The following HERC2 variants were observed in gnomAD, a reference collection of about 807,000 sequenced individuals.
The protein encoded by HERC2 is E3 ubiquitin-protein ligase HERC2.
HERC2 carries 102 observed loss-of-function variants against 537.7 expected under a neutral mutation model. The ratio of observed to expected loss-of-function variants is 0.19; its 90% CI spans 0.16 to 0.22. HERC2 has a LOEUF of 0.22. HERC2 is among the 10% of genes least tolerant of loss of function. The probability of loss-of-function intolerance (pLI) is 1.00; values close to 1 mark genes in which losing one functional copy is unlikely to be tolerated. For synonymous variants in HERC2, 2,224 were observed against 2,466.2 expected (o/e 0.90, Z 2.91); for missense variants, 4,236 against 6,198.2 (o/e 0.68, Z 10.63).
intron 4 of HERC2, among the ~76,000 whole-genome samples, chr15:28,285,033 A>G (rs1301089052): frequency 6.6e-6 from 1 of 151,950 alleles, no homozygotes; most frequent in African/African-American, 2.4e-5. Context: ...CAAAACGTGC[A>G]TACACCAAAC....
intron 20 of HERC2, among the ~76,000 whole-genome samples, chr15:28,253,260 G>A (rs536810818): frequency 1.3e-5 from 2 of 152,234 alleles, no homozygotes; most frequent in Admixed American, 1.3e-4. Context: ...CTCCTAGTCT[G>A]GCCTTCCAAA....
chr15:28,144,907 G>C, intron 71 of HERC2, 103 bp from the exon 72 acceptor site: 1 of 1,477,606 alleles, frequency 6.8e-7, no homozygotes, highest in Non-Finnish European at 9.2e-7. Flanking sequence ...CGTGTGAAGA[G>C]CAAGTTCCTC....
chr15:28,133,815 G>C (rs1161155577), intron 79 of HERC2, among the ~76,000 whole-genome samples: 1 of 152,136 alleles, frequency 6.6e-6, no homozygotes, highest in Non-Finnish European at 1.5e-5. Context: ...GCCGGTTTCT[G>C]GATTCCCTAT....
At chr15:28,192,240 T>C in intron 52 of HERC2, 89 bp from the exon 53 acceptor site, 3 of 1,154,950 alleles carry the variant, frequency 2.6e-6, no homozygotes. Flanking sequence ...AAGGAGCTTC[T>C]TAAAGAAAAA....
intron 68 of HERC2, among the ~76,000 whole-genome samples, chr15:28,166,004 G>A (rs984629015): frequency 2.6e-5 from 4 of 152,124 alleles, no homozygotes; most frequent in African/African-American, 7.2e-5. Context: ...ATCTTATTGA[G>A]CCTGGAATTT....
chr15:28,253,887 A>G (rs542490769), intron 20 of HERC2, among the ~76,000 whole-genome samples: 50 of 152,232 alleles, frequency 3.3e-4, no homozygotes, highest in African/African-American at 1.2e-3. Flanking sequence ...GCTAGAACCC[A>G]GGAGGCAGAG....
intron 66 of HERC2, among the ~76,000 whole-genome samples, chr15:28,169,243 C>G (rs1268283779): frequency 1.3e-5 from 2 of 152,166 alleles, no homozygotes; most frequent in Non-Finnish European, 2.9e-5. Flanking sequence ...TTCGAGTCTA[C>G]TGGTCAAAAA....
In HERC2 at chr15:28,125,017, G is replaced by A. The variant is rs1037918272; in HGVS notation, c.12979C>T (p.Leu4327Phe). 2.5e-6 allele frequency: 4 copies of A among 1,601,204 alleles called. No individual in the cohort carries two copies. Among genetic ancestry groups the A allele is most frequent in the Admixed American group, 1.7e-5 (1 of 59,828 alleles). ...CTGCCCGGACTCACCTGTGCAGGGAGTTTGCCAGCACTGGCGGGCTTGCTG... is the reference window on the plus strand; with the variant it reads ...CTGCCCGGACTCACCTGTGCAGGGAATTTGCCAGCACTGGCGGGCTTGCTG... The part of the protein sequence containing the change: ...STSKPASAGK[L>F]PAQVPMEYNH... Residue 4327 changes from leucine to phenylalanine, a missense_variant, in exon 84 of 93, where the codon CTC becomes TTC. Leu to Phe is a conservative substitution (Grantham distance 22). Around this residue, in one of 27 missense-constraint regions of HERC2, gnomAD observed 189 missense variants for 255.7 expected, o/e 0.74. Coordinates refer to ENST00000261609, the MANE Select transcript of HERC2 (RefSeq NM_004667.6).
At chr15:28,258,706 A>C (rs1409134495) in intron 16 of HERC2, among the ~76,000 whole-genome samples, 1 of 152,172 alleles carries the variant, frequency 6.6e-6, no homozygotes, top group East Asian at 1.9e-4. Flanking sequence ...AGTGAACGCA[A>C]AACAAGCCAA....
rs151050244 is a variant in HERC2, at chr15:28,192,281, A to C, written c.8261-130T>G. 768 of 706,794 alleles carry C rather than the reference A, an allele frequency of 1.1e-3. 2 individuals carry two copies. The African/African-American group carries it at 0.012, about 11-fold the overall frequency. The allele number at this position is 706,794 out of a possible 1,614,324, so 43.8% of individuals were successfully genotyped here. ...AGTTTCAAACTGAAAGGAGTTAATA[A>C]ATGCCACAAATGGTTTCCCTAGTCA... On this transcript the variant is annotated intron_variant, in intron 52 of 92. Transcript: ENST00000261609.
chr15:28,205,024 G>A (rs1231172461), intron 45 of HERC2, among the ~76,000 whole-genome samples: 2 of 152,090 alleles, frequency 1.3e-5, no homozygotes, highest in Non-Finnish European at 2.9e-5. Flanking sequence ...AAGGAGGACG[G>A]TGGGGTGGGC....
intron 69 of HERC2, among the ~76,000 whole-genome samples, chr15:28,156,234 T>C (rs1472504453): frequency 6.6e-6 from 1 of 152,332 alleles, no homozygotes; most frequent in South Asian, 2.1e-4. Context: ...TAGGATTGAC[T>C]TGGCAATGCG....
At chr15:28,304,968 C>T (rs1207902442) in intron 2 of HERC2, among the ~76,000 whole-genome samples, 192 of 147,778 alleles carry the variant, frequency 1.3e-3, no homozygotes, top group African/African-American at 4.3e-3. Flanking sequence ...ATGCGGTGTT[C>T]GGTTTTTTAT....
At chr15:28,249,443 A>G (rs898828989) in intron 20 of HERC2, among the ~76,000 whole-genome samples, 2 of 152,204 alleles carry the variant, frequency 1.3e-5, no homozygotes, top group African/African-American at 4.8e-5. Flanking sequence ...GAGAAGAAAC[A>G]TATGTTCCCA....
chr15:28,254,622 CTG>C, intron 19 of HERC2, 104 bp from the exon 20 acceptor site: 1 of 699,494 alleles, frequency 1.4e-6, no homozygotes, highest in Non-Finnish European at 2.3e-6. Context: ...ATCCCAGCCT[CTG>C]TGGCTAATGC....
In HERC2 at chr15:28,113,649, G is replaced by A. The variant is rs767913534; in HGVS notation, c.13943C>T (p.Ala4648Val). Residue 4648 changes from alanine (A) to valine (V), a missense_variant, in exon 91 of 93, where the codon GCT becomes GTT. Physicochemically the swap from Ala to Val is moderately conservative, Grantham distance 64 (BLOSUM62 0). Transcript: ENST00000261609. This position sits in a 1 kb window ranked among gnomAD's most constrained non-coding sequence, Gnocchi z 7.0. ...AACGCGGGCCATTCCTTCCCGAACA[G>A]CAGCCACCTGCTCATCAAATTCATG... ...RLHEFDEQVA[A>V]VREGMARVVP... is the part of the protein sequence containing the mutation. 1.9e-6 allele frequency: 3 copies of A among 1,614,018 alleles called. No individual in the cohort carries two copies. The highest frequency in any genetic ancestry group is 3.3e-5 in the Admixed American group (2 of 60,006).
chr15:28,199,443 C>T (rs182696485), intron 48 of HERC2, among the ~76,000 whole-genome samples: 3 of 152,214 alleles, frequency 2.0e-5, no homozygotes, highest in Non-Finnish European at 2.9e-5. Context: ...CATCTTTATA[C>T]ATATCAGAAC....
rs1596134198 is a variant in HERC2 at position 28,176,918 on chromosome 15, T to C, written c.9432+32A>G. On this transcript the variant is annotated intron_variant, in intron 61 of 92. Transcript: ENST00000261609. The surrounding 1 kb of genome is among the most constrained non-coding windows in gnomAD (Gnocchi z 5.0). Reference sequence around the variant, plus strand: ...CTCTTGACATCTTCAGATGGTAAGCTTTCTGCAAGCAACAAAAATGCGTAT... The same window carrying C: ...CTCTTGACATCTTCAGATGGTAAGCCTTCTGCAAGCAACAAAAATGCGTAT... 6.2e-7 allele frequency: 1 copy of C among 1,600,028 alleles called. No homozygotes were observed. Among genetic ancestry groups the C allele is most frequent in the Non-Finnish European group, 8.5e-7 (1 of 1,169,668 alleles).
chr15:28,188,113 T>C (rs1477655065), intron 55 of HERC2, among the ~76,000 whole-genome samples: 2 of 152,012 alleles, frequency 1.3e-5, no homozygotes, highest in African/African-American at 4.8e-5. Flanking sequence ...TTTTTTTTTC[T>C]TTAGCAAGAA....
Sources: gnomAD v4.1 joint callset for allele counts (sites outside exome capture counted in the v4.1 genomes callset) on GRCh38, gnomAD v4.1.1 for gene constraint, gnomAD v4.1.1 regional missense constraint, Gnocchi (gnomAD v3.1) non-coding constraint, MANE v1.5 for transcripts, NCBI Gene and HGNC (gene_info 2026-07-23, HGNC 2026-07-21) for gene names.